The following ZNF516 variants were observed in gnomAD, a reference collection of about 807,000 sequenced individuals.
ZNF516 encodes zinc finger protein 516.
Under a neutral mutation model 79.7 loss-of-function variants are expected in ZNF516, and 19 were observed. That is an observed-to-expected ratio of 0.24 (90% CI 0.17 to 0.35). ZNF516 has a LOEUF of 0.35. ZNF516 is among the 10% of genes least tolerant of loss of function. The pLI, the probability that ZNF516 is intolerant of heterozygous loss-of-function variation, is 1.00. For synonymous variants in ZNF516, 877 were observed against 739.5 expected (o/e 1.19, Z -3.02); for missense variants, 1,678 against 1,679.5 (o/e 1.00, Z 0.02).
chr18:76,456,696 T>C (rs1027707171), intron 2 of ZNF516, among the ~76,000 whole-genome samples: 3 of 120,906 alleles, frequency 2.5e-5, no homozygotes, highest in African/African-American at 3.2e-5. Context: ...TGCATCTTTA[T>C]CTGGGTAACG....
At chr18:76,490,417 C>G (rs1296684139) in intron 1 of ZNF516, among the ~76,000 whole-genome samples, 2 of 152,188 alleles carry the variant, frequency 1.3e-5, no homozygotes, top group African/African-American at 4.8e-5. Flanking sequence ...GAAAATGAAG[C>G]TGGAACAAAT....
Position 76,379,122 on chromosome 18 carries a change from G to A in ZNF516, c.2992C>T (p.Pro998Ser). 1 of 1,612,520 alleles carries A rather than the reference G, an allele frequency of 6.2e-7. No homozygotes were observed. The highest frequency in any genetic ancestry group is 1.3e-5 in the African/African-American group (1 of 75,032). The change falls in exon 4 of 7, where the codon CCT becomes TCT. Residue 998 changes from proline (P) to serine (S), a missense_variant. Pro to Ser is a moderately conservative substitution (Grantham distance 74). This residue lies in a region of ZNF516 where 1,294 missense variants were observed against 1,248.3 expected (regional missense o/e 1.04). Transcript: ENST00000443185. ...AKGEGGAPPL[P>S]PREPPSKAAQ... ...GCCTTCGAGGGGGGCTCGCGGGGAG[G>A]TAGAGGAGGAGCGCCCCCTTCGCCC...
At chr18:76,365,318 C>G (rs1431723808) in intron 6 of ZNF516, among the ~76,000 whole-genome samples, 1 of 152,222 alleles carries the variant, frequency 6.6e-6, no homozygotes, top group Non-Finnish European at 1.5e-5. Context: ...AGCAGACATT[C>G]TGGTCTTTCA....
At chr18:76,456,827 A>G (rs915203284) in intron 2 of ZNF516, among the ~76,000 whole-genome samples, 29 of 152,228 alleles carry the variant, frequency 1.9e-4, no homozygotes, top group African/African-American at 7.0e-4. Context: ...TTTCCAAGCT[A>G]TTCATGCAAA....
At chr18:76,496,199 G>A (rs543363430), upstream of ZNF516, 8 of 1,186,410 alleles carry the variant, frequency 6.7e-6, no homozygotes, top group South Asian at 1.5e-5. Context: ...GCTAGCGAGG[G>A]CGAGCGCCCC....
chr18:76,474,380 A>G (rs1031024182), intron 1 of ZNF516, among the ~76,000 whole-genome samples: 1 of 152,214 alleles, frequency 6.6e-6, no homozygotes. Context: ...AGGTCCCAGG[A>G]GCTCCATAAT....
intron 3 of ZNF516, among the ~76,000 whole-genome samples, chr18:76,404,923 C>A (rs1445354297): frequency 6.6e-6 from 1 of 152,160 alleles, no homozygotes; most frequent in Non-Finnish European, 1.5e-5. Context: ...GCCGTCCCTG[C>A]AGACAGGAGA....
chr18:76,379,125 G>C lies in ZNF516; in HGVS notation c.2989C>G (p.Leu997Val), dbSNP rs780700103. The C allele has an allele frequency of 7.4e-6, 12 of 1,612,556 alleles. No homozygotes were observed. The highest frequency in any genetic ancestry group is 9.3e-6 in the Non-Finnish European group (11 of 1,179,696). The change falls in exon 4 of 7, where the codon CTA becomes GTA. Residue 997 changes from leucine (L) to valine (V), a missense_variant. Leu to Val is a conservative substitution (Grantham distance 32). Around this residue, in one of 5 missense-constraint regions of ZNF516, gnomAD observed 1,294 missense variants for 1,248.3 expected, o/e 1.04. Coordinates refer to ENST00000443185, the MANE Select transcript of ZNF516 (RefSeq NM_014643.4). ...TTCGAGGGGGGCTCGCGGGGAGGTAGAGGAGGAGCGCCCCCTTCGCCCTTT... is the reference window on the plus strand; with the variant it reads ...TTCGAGGGGGGCTCGCGGGGAGGTACAGGAGGAGCGCCCCCTTCGCCCTTT... ...PAKGEGGAPP[L>V]PPREPPSKAA...
At chr18:76,486,404 T>C (rs1380635301) in intron 1 of ZNF516, among the ~76,000 whole-genome samples, 1 of 152,232 alleles carries the variant, frequency 6.6e-6, no homozygotes, top group African/African-American at 2.4e-5. Context: ...TGTCCTTTAC[T>C]TTCACATGGG....
At chr18:76,430,157 G>A (rs866889842) in intron 3 of ZNF516, among the ~76,000 whole-genome samples, 2 of 152,120 alleles carry the variant, frequency 1.3e-5, no homozygotes, top group East Asian at 1.9e-4. Flanking sequence ...TGATGCTTCC[G>A]AAGGTTTAGG....
chr18:76,368,526 A>G (rs186963143), intron 6 of ZNF516, among the ~76,000 whole-genome samples: 427 of 66,050 alleles, frequency 6.5e-3, no homozygotes, highest in Non-Finnish European at 0.011. Context: ...AGGAAAGCTC[A>G]CCCACCGAGA....
In ZNF516 at chr18:76,416,410, T is replaced by C. The variant is rs548708128; in HGVS notation, c.1810+24835A>G. 4.6e-5 allele frequency among the ~76,000 whole-genome samples: 7 copies of C among 152,358 alleles called. No homozygotes were observed. In the East Asian group the frequency reaches 9.6e-4, roughly 21 times the overall value. ...GAAATGTCGCCCATGCTTTACACCA[T>C]GTCAAAGGTCATGAGATTTTTCCAT... On this transcript the variant is annotated intron_variant, in intron 3 of 6. Transcript: ENST00000443185.
chr18:76,476,718 A>C (rs1192464953), intron 1 of ZNF516, among the ~76,000 whole-genome samples: 1 of 152,200 alleles, frequency 6.6e-6, no homozygotes, highest in Non-Finnish European at 1.5e-5. Context: ...TTGTCTAAGA[A>C]AGGGATGTTT....
rs1912440285 is a variant in ZNF516, at chr18:76,451,974, T to C, written c.-157-8763A>G. On this transcript the variant is annotated intron_variant, in intron 2 of 6. Coordinates refer to ENST00000443185, the MANE Select transcript of ZNF516 (RefSeq NM_014643.4). This position sits in a 1 kb window ranked among gnomAD's most constrained non-coding sequence, Gnocchi z 6.0. Reference sequence around the variant, plus strand: ...ATGCATTCACTATTGGGAGAGTAAGTACGGCCGATGACAGGCCTGGAGGCG... The same window carrying C: ...ATGCATTCACTATTGGGAGAGTAAGCACGGCCGATGACAGGCCTGGAGGCG... Among the ~76,000 whole-genome samples the C allele has an allele frequency of 6.6e-6, 1 of 152,166 alleles. No individual in the cohort carries two copies. Among genetic ancestry groups the C allele is most frequent in the African/African-American group, 2.4e-5 (1 of 41,428 alleles).
At chr18:76,384,189 C>T (rs930668391) in intron 3 of ZNF516, among the ~76,000 whole-genome samples, 21 of 152,116 alleles carry the variant, frequency 1.4e-4, no homozygotes, top group Admixed American at 1.3e-3. Context: ...TTAAGCGCCA[C>T]CACTGGCAAT....
chr18:76,477,766 CA>C (rs1323701883), intron 1 of ZNF516, among the ~76,000 whole-genome samples: 2 of 151,884 alleles, frequency 1.3e-5, no homozygotes, highest in Non-Finnish European at 2.9e-5. Flanking sequence ...ACAAACAACA[CA>C]AAAAAACCTG....
In ZNF516 at chr18:76,442,695, G is replaced by A. The variant is rs755940615; in HGVS notation, c.360C>T (p.Ser120=). 19 of 1,582,814 alleles carry A rather than the reference G, an allele frequency of 1.2e-5. No individual in the cohort carries two copies. The highest frequency in any genetic ancestry group is 1.2e-4 in the East Asian group (5 of 43,214). Residue 120 remains serine, a synonymous_variant, in exon 3 of 7, where the codon AGC becomes AGT. Transcript: ENST00000443185. ...TCAGCAGCCGGTTGCAGGCCGAGGC[G>A]CTCTTGGTGGGGCTGGCGCAGGCGT... is the stretch of plus-strand genomic sequence containing the variant. The part of the protein sequence containing the change: ...GLDACASPTK[S]ASACNRLLNG...
chr18:76,371,803 A>G (rs549687263), intron 4 of ZNF516, among the ~76,000 whole-genome samples: 1 of 152,032 alleles, frequency 6.6e-6, no homozygotes, highest in Admixed American at 6.5e-5. Context: ...CGAATTAAAA[A>G]CCACTCCCTG....
chr18:76,441,269 C>T lies in ZNF516; in HGVS notation c.1786G>A (p.Glu596Lys). 6.2e-7 allele frequency: 1 copy of T among 1,610,778 alleles called. No individual in the cohort carries two copies. Among genetic ancestry groups the T allele is most frequent in the Admixed American group, 1.7e-5 (1 of 59,860 alleles). ...ADEAAEDSGE[E>K]GAPEPAPGGQ... ...CCTGGTGCAGGTTCAGGGGCGCCCT[C>T]CTCACCACTGTCTTCGGCAGCCTCG... The change falls in exon 3 of 7, where the codon GAG becomes AAG. Residue 596 changes from glutamate (E) to lysine (K), a missense_variant. By Grantham distance (56) the Glu-to-Lys change is moderately conservative (BLOSUM62 1). Around this residue, in one of 5 missense-constraint regions of ZNF516, gnomAD observed 1,294 missense variants for 1,248.3 expected, o/e 1.04. Transcript: ENST00000443185.
Sources: gnomAD v4.1 joint callset for allele counts (sites outside exome capture counted in the v4.1 genomes callset) on GRCh38, gnomAD v4.1.1 for gene constraint, gnomAD v4.1.1 regional missense constraint, Gnocchi (gnomAD v3.1) non-coding constraint, MANE v1.5 for transcripts, NCBI Gene and HGNC (gene_info 2026-07-23, HGNC 2026-07-21) for gene names.